VMP1: variants seen among roughly 807,000 people sequenced by gnomAD.
VMP1 encodes ectopic P-granules autophagy protein 3 homolog.
A neutral mutation model predicts 56.0 loss-of-function variants in VMP1; 11 were observed. The observed-to-expected ratio is 0.20, with a 90% CI of 0.12 to 0.32. VMP1 has a LOEUF of 0.32. Among genes scored for constraint, VMP1 ranks in the 10% least tolerant of loss-of-function variants. The pLI is 1.00. For missense variants in VMP1, 296 were observed against 490.3 expected (o/e 0.60, Z 3.74); for synonymous variants, 149 against 165.0 (o/e 0.90, Z 0.74).
intron 10 of VMP1, among the ~76,000 whole-genome samples, chr17:59,826,729 G>C (rs2038656614): frequency 6.6e-6 from 1 of 152,154 alleles, no homozygotes; most frequent in Non-Finnish European, 1.5e-5. Flanking sequence ...GATTGAGATA[G>C]GATCAATTCT....
chr17:59,749,360 A>T (rs1016576811), intron 5 of VMP1, among the ~76,000 whole-genome samples: 4 of 152,092 alleles, frequency 2.6e-5, no homozygotes, highest in Admixed American at 6.6e-5. Context: ...GATCTAAGTT[A>T]TACAGAAAAC....
At chr17:59,772,553 A>G (rs549485598) in intron 6 of VMP1, among the ~76,000 whole-genome samples, 1 of 151,610 alleles carries the variant, frequency 6.6e-6, no homozygotes, top group African/African-American at 2.4e-5. Flanking sequence ...TGAATCACCT[A>G]AAGTCAGGAG....
intron 10 of VMP1, among the ~76,000 whole-genome samples, chr17:59,818,191 A>G (rs2038313216): frequency 6.6e-6 from 1 of 152,172 alleles, no homozygotes; most frequent in African/African-American, 2.4e-5. Flanking sequence ...TAAATCTTAC[A>G]TAAAATTTTA....
intron 9 of VMP1, among the ~76,000 whole-genome samples, chr17:59,816,995 G>T (rs1268664554): frequency 6.9e-6 from 1 of 144,204 alleles, no homozygotes; most frequent in Non-Finnish European, 1.5e-5. Flanking sequence ...AGGGCCGGGC[G>T]CAATGGCTCA....
At position 59,739,258 on chromosome 17, in the gene VMP1, T is replaced by C. The variant is rs188542261; in HGVS notation, c.414+311T>C. Among the ~76,000 whole-genome samples, 70 of 152,378 alleles carry C rather than the reference T, an allele frequency of 4.6e-4. 1 individual carries two copies. The East Asian group carries it at 0.011, about 24-fold the overall frequency. On this transcript the variant is annotated intron_variant, in intron 5 of 11. Transcript: ENST00000262291. ...CTTAAGCAATTGTTATTTTAATAAATGAAGTCCATTTAAATATGCAAAATT... is the reference window on the plus strand; with the variant it reads ...CTTAAGCAATTGTTATTTTAATAAACGAAGTCCATTTAAATATGCAAAATT...
At chr17:59,832,043 T>G (rs2038824796) in intron 10 of VMP1, among the ~76,000 whole-genome samples, 1 of 151,956 alleles carries the variant, frequency 6.6e-6, no homozygotes, top group South Asian at 2.1e-4. Flanking sequence ...CCACCATGCC[T>G]GGTGGAAAAA....
At chr17:59,716,297 A>G (rs2034149938) in intron 1 of VMP1, among the ~76,000 whole-genome samples, 3 of 152,182 alleles carry the variant, frequency 2.0e-5, no homozygotes, top group Admixed American at 2.0e-4. Flanking sequence ...GTATTTAGGG[A>G]CAGTAAAGTA....
intron 10 of VMP1, among the ~76,000 whole-genome samples, chr17:59,819,460 T>G (rs904068276): frequency 6.6e-5 from 10 of 151,958 alleles, no homozygotes; most frequent in Admixed American, 1.3e-4. Flanking sequence ...TGTTTTTGGT[T>G]TTTTTTGTTG....
intron 5 of VMP1, among the ~76,000 whole-genome samples, chr17:59,739,671 T>C (rs1422332507): frequency 1.7e-5 from 2 of 116,406 alleles, no homozygotes; most frequent in East Asian, 2.6e-4. Flanking sequence ...TTCCAGTGAG[T>C]GGAGATGGCG....
chr17:59,743,177 A>T (rs1212995203), intron 5 of VMP1, among the ~76,000 whole-genome samples: 1 of 152,194 alleles, frequency 6.6e-6, no homozygotes, highest in East Asian at 1.9e-4. Flanking sequence ...ACAAATGCAT[A>T]ATGTCATGTA....
chr17:59,711,132 T>G (rs1030521051), intron 1 of VMP1, among the ~76,000 whole-genome samples: 3 of 144,330 alleles, frequency 2.1e-5, no homozygotes, highest in African/African-American at 8.0e-5. Context: ...TTATTTGCTC[T>G]TACAAAAAAA....
intron 1 of VMP1, among the ~76,000 whole-genome samples, chr17:59,711,072 C>CA (rs34793194): frequency 0.2 from 25,192 of 125,850 alleles, 2,949 homozygotes; most frequent in East Asian, 0.47. Context: ...GACTCCATCT[C>CA]AAAAAAAAAA....
At chr17:59,749,083 G>A (rs1003787280) in intron 5 of VMP1, among the ~76,000 whole-genome samples, 9 of 149,924 alleles carry the variant, frequency 6.0e-5, no homozygotes, top group Admixed American at 2.7e-4. Flanking sequence ...CCCAGTAGCT[G>A]GAATTACAGG....
At chr17:59,822,535 C>T (rs1394195043) in intron 10 of VMP1, among the ~76,000 whole-genome samples, 2 of 151,334 alleles carry the variant, frequency 1.3e-5, no homozygotes, top group African/African-American at 2.4e-5. Flanking sequence ...CACCATGTCA[C>T]GCTGGTCTTG....
chr17:59,737,408 G>C (rs2035055585), intron 3 of VMP1, 45 bp from the exon 4 acceptor site: 1 of 1,569,608 alleles, frequency 6.4e-7, no homozygotes, highest in African/African-American at 1.4e-5. Context: ...GATGAATGCT[G>C]AAAGTGAGAC....
chr17:59,751,921 C>T (rs2035667155), intron 5 of VMP1, among the ~76,000 whole-genome samples: 1 of 151,952 alleles, frequency 6.6e-6, no homozygotes, highest in Non-Finnish European at 1.5e-5. Context: ...CTCAAGAGAT[C>T]TTCCCACCTC....
chr17:59,715,312 TCA>T (rs1380255401), intron 1 of VMP1, among the ~76,000 whole-genome samples: 3 of 152,200 alleles, frequency 2.0e-5, no homozygotes, highest in Non-Finnish European at 2.9e-5. Context: ...TTTAATTGAC[TCA>T]CAGTTCTGTA....
intron 4 of VMP1, among the ~76,000 whole-genome samples, chr17:59,738,427 A>G (rs986558264): frequency 6.6e-6 from 1 of 152,250 alleles, no homozygotes; most frequent in Non-Finnish European, 1.5e-5. Flanking sequence ...TTTACTGCCA[A>G]TCACTGAAAT....
At position 59,807,437 on chromosome 17, in the gene VMP1, T is replaced by G. The variant is rs961880250; in HGVS notation, c.715-1359T>G. Reference sequence around the variant, plus strand: ...TGGTCTCGATCTCCTGACCTTGTGATCCGCCTGCCTCAGCCTCCCAAAGTG... The same window carrying G: ...TGGTCTCGATCTCCTGACCTTGTGAGCCGCCTGCCTCAGCCTCCCAAAGTG... On this transcript the variant is annotated intron_variant, in intron 7 of 11. Transcript: ENST00000262291. 2.0e-5 allele frequency among the ~76,000 whole-genome samples: 3 copies of G among 151,980 alleles called. 1 individual carries two copies. Among genetic ancestry groups the G allele is most frequent in the Admixed American group, 6.5e-5 (1 of 15,272 alleles).
Sources: gnomAD v4.1 joint callset for allele counts (sites outside exome capture counted in the v4.1 genomes callset) on GRCh38, gnomAD v4.1.1 for gene constraint, MANE v1.5 for transcripts, NCBI Gene and HGNC (gene_info 2026-07-23, HGNC 2026-07-21) for gene names.